MACROD2: variants seen among roughly 807,000 people sequenced by gnomAD.
The protein encoded by MACROD2 is ADP-ribose glycohydrolase MACROD2.
MACROD2 carries 36 observed loss-of-function variants against 70.4 expected under a neutral mutation model. That is an observed-to-expected ratio of 0.51 (90% CI 0.39 to 0.68). The LOEUF is 0.68. MACROD2 is among the 30% of genes least tolerant of loss of function. The pLI is 0.00. For synonymous variants in MACROD2, 172 were observed against 178.8 expected, an observed-to-expected ratio of 0.96 and a Z score of 0.30; for missense variants, 496 against 538.4, an observed-to-expected ratio of 0.92 and a Z score of 0.78.
At chr20:15,656,330 C>A (rs2049730259) in intron 8 of MACROD2, among the ~76,000 whole-genome samples, 1 of 152,134 alleles carries the variant, frequency 6.6e-6, no homozygotes, top group Non-Finnish European at 1.5e-5. Context: ...TTTAGCTATG[C>A]CCTGCAATCT....
chr20:14,647,082 C>T (rs1985435477), intron 4 of MACROD2, among the ~76,000 whole-genome samples: 1 of 152,132 alleles, frequency 6.6e-6, no homozygotes, highest in Non-Finnish European at 1.5e-5. Context: ...AGCATTTTCC[C>T]TCTAAAACAA....
chr20:15,523,820 C>T (rs2146534229), intron 8 of MACROD2, among the ~76,000 whole-genome samples: 1 of 152,258 alleles, frequency 6.6e-6, no homozygotes, highest in African/African-American at 2.4e-5. Context: ...AGTCTGAAGT[C>T]TAGAATAATG....
intron 5 of MACROD2, among the ~76,000 whole-genome samples, chr20:15,208,328 G>A (rs1021481172): frequency 2.6e-5 from 4 of 152,074 alleles, no homozygotes; most frequent in African/African-American, 7.2e-5. Flanking sequence ...TTTGTTTCAA[G>A]CATGTACATA....
intron 5 of MACROD2, among the ~76,000 whole-genome samples, chr20:14,751,989 AT>A (rs1220222859): frequency 6.6e-6 from 1 of 150,846 alleles, no homozygotes; most frequent in Non-Finnish European, 1.5e-5. Context: ...ATAATGAAAC[AT>A]TGTCTTGATT....
chr20:14,678,347 A>G (rs547806303), intron 4 of MACROD2, among the ~76,000 whole-genome samples: 4 of 152,328 alleles, frequency 2.6e-5, no homozygotes, highest in Admixed American at 6.5e-5. Flanking sequence ...TTGCTCATGT[A>G]GCCCAGGAAT....
chr20:14,050,947 GGGAGAAAAGAC>G (rs1476550272), intron 2 of MACROD2, among the ~76,000 whole-genome samples: 11 of 152,204 alleles, frequency 7.2e-5, no homozygotes, highest in African/African-American at 2.6e-4. Flanking sequence ...ACAGGAGGAG[GGGAGAAAAGAC>G]GTAACTAAGT....
chr20:15,965,024 C>T (rs896566472), intron 12 of MACROD2, among the ~76,000 whole-genome samples: 10 of 152,076 alleles, frequency 6.6e-5, no homozygotes, highest in Non-Finnish European at 8.8e-5. Context: ...GTGCACACAT[C>T]GAATATACTG....
At chr20:14,084,182 G>C (rs886253585) in intron 2 of MACROD2, among the ~76,000 whole-genome samples, 7 of 151,122 alleles carry the variant, frequency 4.6e-5, no homozygotes, top group African/African-American at 1.7e-4. Context: ...TTCTAGTCTT[G>C]GCCAAATTTT....
At chr20:14,542,142 C>T (rs752610505) in intron 4 of MACROD2, among the ~76,000 whole-genome samples, 4 of 152,214 alleles carry the variant, frequency 2.6e-5, no homozygotes, top group African/African-American at 4.8e-5. Flanking sequence ...TTAGCTGGAG[C>T]TGAATGTGGG....
chr20:14,956,578 TA>T (rs2074538906), intron 5 of MACROD2, among the ~76,000 whole-genome samples: 3 of 152,128 alleles, frequency 2.0e-5, no homozygotes, highest in Admixed American at 2.0e-4. Flanking sequence ...TAGTGCTAAT[TA>T]AAAAACTATC....
chr20:15,726,186 G>A (rs1413994105), intron 8 of MACROD2, among the ~76,000 whole-genome samples: 3 of 152,022 alleles, frequency 2.0e-5, no homozygotes, highest in East Asian at 1.9e-4. Flanking sequence ...GTGGCATTTG[G>A]TTTTCTGGTT....
intron 3 of MACROD2, among the ~76,000 whole-genome samples, chr20:14,140,313 C>A (rs768700937): frequency 4.6e-5 from 7 of 152,188 alleles, no homozygotes; most frequent in Non-Finnish European, 1.0e-4. Flanking sequence ...TCACTGCTTT[C>A]ATTACACTAT....
intron 8 of MACROD2, among the ~76,000 whole-genome samples, chr20:15,657,382 A>G (rs1351239924): frequency 6.6e-6 from 1 of 152,184 alleles, no homozygotes; most frequent in African/African-American, 2.4e-5. Context: ...TGTTGCTGGT[A>G]TGGGGAGGGA....
chr20:15,413,537 CAGTT>C (rs1448871518), intron 6 of MACROD2, among the ~76,000 whole-genome samples: 1 of 151,998 alleles, frequency 6.6e-6, no homozygotes, highest in African/African-American at 2.4e-5. Flanking sequence ...GACTTCCCCT[CAGTT>C]AGAAACTACA....
At chr20:15,964,357 G>A (rs1203382536) in intron 12 of MACROD2, among the ~76,000 whole-genome samples, 2 of 152,234 alleles carry the variant, frequency 1.3e-5, no homozygotes, top group Non-Finnish European at 2.9e-5. Context: ...TATCTGGTGA[G>A]AACTCACTTT....
At chr20:15,931,149 A>T (rs1186429030) in intron 10 of MACROD2, among the ~76,000 whole-genome samples, 1 of 152,212 alleles carries the variant, frequency 6.6e-6, no homozygotes, top group Non-Finnish European at 1.5e-5. Context: ...AGTTTTTGGC[A>T]CATGCTCCTG....
At chr20:14,602,611 C>T (rs6135199) in intron 4 of MACROD2, among the ~76,000 whole-genome samples, 16,998 of 152,132 alleles carry the variant, frequency 0.11, 1,361 homozygotes, top group South Asian at 0.33. Flanking sequence ...TAGGCTAATT[C>T]GTGTTTGTAA....
chr20:15,210,281 A>T (rs905615989), intron 5 of MACROD2, among the ~76,000 whole-genome samples: 2 of 152,170 alleles, frequency 1.3e-5, no homozygotes, highest in African/African-American at 4.8e-5. Flanking sequence ...GTCACAGAGG[A>T]TTTGTCCAGT....
intron 5 of MACROD2, among the ~76,000 whole-genome samples, chr20:14,960,933 G>A (rs2074577830): frequency 6.6e-6 from 1 of 152,142 alleles, no homozygotes; most frequent in African/African-American, 2.4e-5. Context: ...CTGCCCACAT[G>A]GTTCTTTTTC....
Sources: allele counts gnomAD v4.1 joint callset (sites outside exome capture counted in the v4.1 genomes callset), GRCh38; gene constraint gnomAD v4.1.1; transcripts MANE v1.5; gene names NCBI Gene and HGNC (gene_info 2026-07-23, HGNC 2026-07-21).